LMNB1: variants seen among roughly 807,000 people sequenced by gnomAD.
LMNB1 encodes the protein lamin B1.
In LMNB1, 23 loss-of-function variants were observed where a neutral mutation model predicts 67.1. That is an observed-to-expected ratio of 0.34 (90% CI 0.25 to 0.49). LMNB1 has a LOEUF of 0.49. Ranked by LOEUF, LMNB1 falls within the 20% of genes least tolerant of loss-of-function variation. The probability of loss-of-function intolerance (pLI) is 0.99; values close to 1 mark genes in which losing one functional copy is unlikely to be tolerated. For synonymous variants in LMNB1, 281 were observed against 282.9 expected, an observed-to-expected ratio of 0.99 and a Z score of 0.07; for missense variants, 634 against 746.5, an observed-to-expected ratio of 0.85 and a Z score of 1.76.
chr5:126,793,881 A>T, intron 1 of LMNB1, among the ~76,000 whole-genome samples: 1 of 149,900 alleles, frequency 6.7e-6, no homozygotes, highest in African/African-American at 2.5e-5. Flanking sequence ...CATCTCCAAA[A>T]AGAAAGAAAG....
chr5:126,823,349 G>T (rs148957193), intron 8 of LMNB1, among the ~76,000 whole-genome samples: 1 of 152,102 alleles, frequency 6.6e-6, no homozygotes, highest in Admixed American at 6.6e-5. Flanking sequence ...TAGATTATAG[G>T]CACCCTTGTA....
At chr5:126,807,635 A>C (rs1751479106) in intron 3 of LMNB1, among the ~76,000 whole-genome samples, 1 of 152,138 alleles carries the variant, frequency 6.6e-6, no homozygotes, top group Non-Finnish European at 1.5e-5. Flanking sequence ...GTTGACTTAC[A>C]TTTTTGTTTT....
intron 5 of LMNB1, among the ~76,000 whole-genome samples, chr5:126,817,469 T>C (rs1251086531): frequency 2.0e-5 from 3 of 152,216 alleles, no homozygotes; most frequent in Non-Finnish European, 2.9e-5. Flanking sequence ...TGCTAACCCA[T>C]GTGTATGCAC....
At position 126,777,212 on chromosome 5, in the gene LMNB1, T is replaced by G. The variant is rs1750478246; in HGVS notation, c.-297T>G. ...GGCGCGAACCCTGCTGGGCCTCCAGTCACCCTCGTCTTGCATTTTCCCGCG... is the reference window on the plus strand; with the variant it reads ...GGCGCGAACCCTGCTGGGCCTCCAGGCACCCTCGTCTTGCATTTTCCCGCG... On this transcript the variant is annotated 5_prime_UTR_variant, in exon 1 of 11. Transcript: ENST00000261366. The G allele has an allele frequency of 3.6e-6, 1 of 280,820 alleles. No individual in the cohort carries two copies. The allele number at this position is 280,820 out of a possible 1,614,324, so 17.4% of individuals were successfully genotyped here.
chr5:126,778,978 C>T (rs2112914577), intron 1 of LMNB1, among the ~76,000 whole-genome samples: 1 of 152,302 alleles, frequency 6.6e-6, no homozygotes, highest in South Asian at 2.1e-4. Flanking sequence ...CAGTAGGCAA[C>T]AAGTGTTGAT....
intron 5 of LMNB1, among the ~76,000 whole-genome samples, chr5:126,814,552 T>A (rs2126722075): frequency 6.6e-6 from 1 of 152,146 alleles, no homozygotes; most frequent in South Asian, 2.1e-4. Context: ...TTTTTTTTTT[T>A]TTTGAGACAG....
intron 1 of LMNB1, among the ~76,000 whole-genome samples, chr5:126,796,177 C>T (rs1751087109): frequency 6.6e-6 from 1 of 152,046 alleles, no homozygotes; most frequent in African/African-American, 2.4e-5. Flanking sequence ...GATCCGCCAG[C>T]CTTAGCCTCC....
At chr5:126,818,053 T>A (rs1040570044) in intron 5 of LMNB1, among the ~76,000 whole-genome samples, 13 of 152,190 alleles carry the variant, frequency 8.5e-5, no homozygotes, top group African/African-American at 3.1e-4. Flanking sequence ...CAAATCACCC[T>A]ATATTGTGTG....
At position 126,777,857 on chromosome 5, in the gene LMNB1, C is replaced by T; in HGVS notation, c.349C>T (p.Leu117=). ...CAAGTGCAAGGCGGAACACGACCAGCTGCTCCTCAAGTGAGTGCTAGCTGG... is the reference window on the plus strand; with the variant it reads ...CAAGTGCAAGGCGGAACACGACCAGTTGCTCCTCAAGTGAGTGCTAGCTGG... The part of the protein sequence containing the change: ...LGKCKAEHDQ[L]LLNYAKKESD... The change falls in exon 1 of 11, where the codon CTG becomes TTG. Residue 117 remains leucine, a synonymous_variant. Transcript: ENST00000261366. 7.0e-7 allele frequency: 1 copy of T among 1,433,570 alleles called. No individual in the cohort carries two copies. Among genetic ancestry groups the T allele is most frequent in the Non-Finnish European group, 9.2e-7 (1 of 1,092,048 alleles). The allele number at this position is 1,433,570 out of a possible 1,614,324, so 88.8% of individuals were successfully genotyped here. A position where few individuals can be genotyped will look rare whatever the true frequency, so the allele number is the denominator to read the frequency against.
At chr5:126,778,091 G>T (rs1181091307) in intron 1 of LMNB1, among the ~76,000 whole-genome samples, 1 of 152,212 alleles carries the variant, frequency 6.6e-6, no homozygotes, top group Admixed American at 6.5e-5. Flanking sequence ...GGGCCGTGAT[G>T]CCCATTTCTA....
intron 9 of LMNB1, among the ~76,000 whole-genome samples, chr5:126,827,782 A>G (rs1414807579): frequency 6.6e-6 from 1 of 152,214 alleles, no homozygotes; most frequent in East Asian, 1.9e-4. Context: ...GTCAGAGGAA[A>G]ATGGTGTGTG....
intron 1 of LMNB1, among the ~76,000 whole-genome samples, chr5:126,784,395 G>A (rs1360708229): frequency 2.0e-5 from 3 of 150,418 alleles, no homozygotes; most frequent in Non-Finnish European, 3.0e-5. Context: ...TCGCTGTGTC[G>A]CCCAGGCTGG....
rs1419361552 is a variant in LMNB1, at chr5:126,836,928, A to G, written c.*664A>G. 2.0e-5 allele frequency: 8 copies of G among 397,968 alleles called. No individual in the cohort carries two copies. Among genetic ancestry groups the G allele is most frequent in the South Asian group, 1.3e-4 (1 of 7,856 alleles). The allele number at this position is 397,968 out of a possible 1,614,324, so 24.7% of individuals were successfully genotyped here. A position where few individuals can be genotyped will look rare whatever the true frequency, so the allele number is the denominator to read the frequency against. On this transcript the variant is annotated 3_prime_UTR_variant, in exon 11 of 11. Coordinates refer to ENST00000261366, the MANE Select transcript of LMNB1 (RefSeq NM_005573.4). ...GGTGGAGGGAGGGAAGGGTTTCTCT[A>G]TTAAAATGCATTCGTTGTGTTTTTT... is the stretch of plus-strand genomic sequence containing the variant.
At chr5:126,797,035 C>G (rs974238099) in intron 1 of LMNB1, among the ~76,000 whole-genome samples, 3 of 152,050 alleles carry the variant, frequency 2.0e-5, no homozygotes, top group African/African-American at 2.4e-5. Context: ...ATGATCCACC[C>G]GCTGCAGCCT....
At chr5:126,812,800 G>A (rs1216801101) in intron 5 of LMNB1, among the ~76,000 whole-genome samples, 4 of 144,518 alleles carry the variant, frequency 2.8e-5, no homozygotes, top group African/African-American at 5.3e-5. Context: ...GTACGATCTC[G>A]GCTCACTGTG....
chr5:126,836,166 T>C, intron 10 of LMNB1, 57 bp from the exon 11 acceptor site: 1 of 1,355,594 alleles, frequency 7.4e-7, no homozygotes, highest in Non-Finnish European at 1.1e-6. Flanking sequence ...TGTCTTATTT[T>C]AGAATACTGT....
chr5:126,795,568 A>C (rs1005657354), intron 1 of LMNB1, among the ~76,000 whole-genome samples: 1 of 152,104 alleles, frequency 6.6e-6, no homozygotes, highest in African/African-American at 2.4e-5. Flanking sequence ...TTTCTCTAAG[A>C]GTTCCATTGA....
chr5:126,817,912 A>T (rs1349267085), intron 5 of LMNB1, among the ~76,000 whole-genome samples: 1 of 152,208 alleles, frequency 6.6e-6, no homozygotes, highest in African/African-American at 2.4e-5. Context: ...GAATTCTGTC[A>T]TGGAGAAACA....
intron 1 of LMNB1, among the ~76,000 whole-genome samples, chr5:126,793,585 G>T (rs901757731): frequency 3.9e-5 from 6 of 152,080 alleles, no homozygotes; most frequent in African/African-American, 1.4e-4. Context: ...TAGAAATTGT[G>T]ATCACAAGGC....
Sources: gnomAD v4.1 joint callset for allele counts (sites outside exome capture counted in the v4.1 genomes callset) on GRCh38, gnomAD v4.1.1 for gene constraint, MANE v1.5 for transcripts, NCBI Gene and HGNC (gene_info 2026-07-23, HGNC 2026-07-21) for gene names.